OTX1: variants seen among roughly 807,000 people sequenced by gnomAD.
OTX1 encodes the protein homeobox protein OTX1.
In OTX1, 7 loss-of-function variants were observed where a neutral mutation model predicts 26.7. The observed-to-expected ratio is 0.26, with a 90% CI of 0.15 to 0.49. The LOEUF (loss-of-function observed/expected upper bound fraction) is 0.49, where lower values mean the gene tolerates loss of function less well. Among genes scored for constraint, OTX1 ranks in the 20% least tolerant of loss-of-function variants. OTX1 has a pLI of 0.98. For synonymous variants in OTX1, 216 were observed against 212.8 expected (o/e 1.01, Z -0.13); for missense variants, 414 against 483.8 (o/e 0.86, Z 1.35).
chr2:63,056,547 G>C lies in OTX1; in HGVS notation c.*231G>C. On this transcript the variant is annotated 3_prime_UTR_variant, in exon 5 of 5. Transcript: ENST00000282549. ...GATGGGGGGACCGGTGCTTCGGCTT[G>C]GCCTACACATTCTATACAGGAGAGA... 1 of 596,072 alleles carries C rather than the reference G, an allele frequency of 1.7e-6. No homozygotes were observed. The highest frequency in any genetic ancestry group is 2.0e-5 in the South Asian group (1 of 49,158). 36.9% of individuals were successfully genotyped at this position (596,072 alleles called of 1,614,324 possible).
chr2:63,053,298 A>C, intron 3 of OTX1: 1 of 443,502 alleles, frequency 2.3e-6, no homozygotes, highest in African/African-American at 2.0e-5. Flanking sequence ...AAAACGCGCA[A>C]TATGCGCCTT....
At chr2:63,054,309 T>TTA in intron 4 of OTX1, 111 bp downstream of exon 4, 1 of 1,120,974 alleles carries the variant, frequency 8.9e-7, no homozygotes, top group Admixed American at 3.3e-5. Flanking sequence ...GGGGGTGGGC[T>TTA]TACAGACTGG....
At chr2:63,052,782 C>G (rs2062034978) in intron 2 of OTX1, 98 bp from the exon 3 acceptor site, 1 of 546,070 alleles carries the variant, frequency 1.8e-6, no homozygotes, top group Admixed American at 3.6e-5. Context: ...GACCACCCTG[C>G]GCAGTTCTGT....
rs2062058479 is a variant in OTX1, at chr2:63,055,671, C to T, written c.420C>T (p.Ser140=). The change falls in exon 5 of 5, where the codon AGC becomes AGT. Residue 140 remains serine (S), a synonymous_variant. Transcript: ENST00000282549. The surrounding 1 kb of genome is among the most constrained non-coding windows in gnomAD (Gnocchi z 5.2). ...PAVSSSASSS[S]SASSSSANPA... Reference sequence around the variant, plus strand: ...TGTCCAGCTCTGCCTCGTCCTCTAGCTCGGCGTCCAGCTCTTCCGCCAACC... The same window carrying T: ...TGTCCAGCTCTGCCTCGTCCTCTAGTTCGGCGTCCAGCTCTTCCGCCAACC... The T allele has an allele frequency of 1.2e-6, 2 of 1,614,018 alleles. No individual in the cohort carries two copies. The highest frequency in any genetic ancestry group is 1.7e-6 in the Non-Finnish European group (2 of 1,180,002).
rs557893429 is a variant in OTX1, at chr2:63,055,182, T to G, written c.250-319T>G. ...ACACGGAAGCAGCCAACAGCAGCAA[T>G]TTAGAGATGGCAGAACTTCTGACTG... On this transcript the variant is annotated intron_variant, in intron 4 of 4. Coordinates refer to ENST00000282549, the MANE Select transcript of OTX1 (RefSeq NM_014562.4). This position sits in a 1 kb window ranked among gnomAD's most constrained non-coding sequence, Gnocchi z 5.2. Among the ~76,000 whole-genome samples the G allele has an allele frequency of 1.1e-3, 169 of 152,232 alleles. No homozygotes were observed. The highest frequency in any genetic ancestry group is 3.3e-3 in the African/African-American group (137 of 41,532).
upstream of OTX1, among the ~76,000 whole-genome samples, chr2:63,050,341 G>A (rs893846483): frequency 5.3e-5 from 8 of 152,194 alleles, no homozygotes; most frequent in Non-Finnish European, 1.0e-4. Context: ...GCGGCGCCGG[G>A]AGAGGGGCCG....
Position 63,052,903 on chromosome 2 carries a change from C to A in OTX1, c.-88C>A. The A allele has an allele frequency of 1.2e-6, 1 of 809,996 alleles. No individual in the cohort carries two copies. Among genetic ancestry groups the A allele is most frequent in the Non-Finnish European group, 2.0e-6 (1 of 489,122 alleles). The allele number at this position is 809,996 out of a possible 1,614,324, so 50.2% of individuals were successfully genotyped here. On this transcript the variant is annotated 5_prime_UTR_variant, in exon 3 of 5. Coordinates refer to ENST00000282549, the MANE Select transcript of OTX1 (RefSeq NM_014562.4). Reference sequence around the variant, plus strand: ...AGGCCAGGCCCCCAGACGCATCAGACCCTGAAGGACTGCGTGGTGGGAGCC... The same window carrying A: ...AGGCCAGGCCCCCAGACGCATCAGAACCTGAAGGACTGCGTGGTGGGAGCC...
chr2:63,055,535 A>T lies in OTX1; in HGVS notation c.284A>T (p.Gln95Leu). 1 of 1,613,720 alleles carries T rather than the reference A, an allele frequency of 6.2e-7. No homozygotes were observed. Among genetic ancestry groups the T allele is most frequent in the Non-Finnish European group, 8.5e-7 (1 of 1,179,724 alleles). The change falls in exon 5 of 5, where the codon CAG becomes CTG. Residue 95 changes from glutamine (Q) to leucine (L), a missense_variant. By Grantham distance (113) the Gln-to-Leu change is moderately radical. Around this residue, in one of 3 missense-constraint regions of OTX1, gnomAD observed 46 missense variants for 94.3 expected, o/e 0.49. Coordinates refer to ENST00000282549, the MANE Select transcript of OTX1 (RefSeq NM_014562.4). The surrounding 1 kb of genome is among the most constrained non-coding windows in gnomAD (Gnocchi z 5.2). ...WFKNRRAKCR[Q>L]QQQSGSGTKS... ...AAGAACCGCCGCGCCAAATGCCGCC[A>T]GCAGCAGCAGAGCGGGAGCGGAACC...
intron 2 of OTX1, chr2:63,051,964 AC>A (rs1250057812): frequency 6.6e-6 from 1 of 152,346 alleles, no homozygotes; most frequent in Non-Finnish European, 1.5e-5. Flanking sequence ...TCTGTTCTCG[AC>A]CGTGTCCTGG....
chr2:63,050,046 T>A (rs968957390), upstream of OTX1: 3 of 152,268 alleles, frequency 2.0e-5, no homozygotes, highest in Admixed American at 6.5e-5. Flanking sequence ...GGTGTACGTG[T>A]GAGGGGAAGA....
Position 63,055,922 on chromosome 2 carries a change from C to T in OTX1, c.671C>T (p.Ser224Phe). 1 of 1,612,842 alleles carries T rather than the reference C, an allele frequency of 6.2e-7. No homozygotes were observed. Among genetic ancestry groups the T allele is most frequent in the Non-Finnish European group, 8.5e-7 (1 of 1,180,032 alleles). Residue 224 changes from serine to phenylalanine, a missense_variant, in exon 5 of 5, where the codon TCC becomes TTC. Ser to Phe is a radical substitution (Grantham distance 155). Around this residue, in one of 3 missense-constraint regions of OTX1, gnomAD observed 320 missense variants for 347.9 expected, o/e 0.92. Coordinates refer to ENST00000282549, the MANE Select transcript of OTX1 (RefSeq NM_014562.4). This position sits in a 1 kb window ranked among gnomAD's most constrained non-coding sequence, Gnocchi z 5.2. ...AATAAASYPM[S>F]YGQGGSYGQG... ...ACCGCAGCAGCCTCTTATCCCATGTCCTACGGCCAGGGCGGCAGCTACGGC... is the reference window on the plus strand; with the variant it reads ...ACCGCAGCAGCCTCTTATCCCATGTTCTACGGCCAGGGCGGCAGCTACGGC...
rs1416608580 is a variant in OTX1, at chr2:63,055,763, C to T, written c.512C>T (p.Pro171Leu). The change falls in exon 5 of 5, where the codon CCA (proline) becomes CTA (leucine). Residue 171 changes from proline (P) to leucine (L), a missense_variant. Physicochemically the swap from Pro to Leu is moderately conservative, Grantham distance 98. This residue lies in a region of OTX1 where 320 missense variants were observed against 347.9 expected (regional missense o/e 0.92). Transcript: ENST00000282549. The surrounding 1 kb of genome is among the most constrained non-coding windows in gnomAD (Gnocchi z 5.2). ...GCGGCCGCGTCGTCGCTGAGTACAC[C>T]AGCTGCCTCATCTATCTGGAGCCCG... is the stretch of plus-strand genomic sequence containing the variant. Reference protein sequence around the residue: ...PVAAASSLSTPAASSIWSPAS... With the variant: ...PVAAASSLSTLAASSIWSPAS... 6.2e-7 allele frequency: 1 copy of T among 1,612,496 alleles called. No homozygotes were observed. Among genetic ancestry groups the T allele is most frequent in the South Asian group, 1.1e-5 (1 of 91,030 alleles).
chr2:63,053,079 G>T lies in OTX1; in HGVS notation c.89G>T (p.Gly30Val). ...PAMDLLHPSV[G>V]YPATPRKQRR... is the part of the protein sequence containing the mutation. ...ATGGACCTCCTGCACCCATCCGTGG[G>T]CTATCCGGGTGAGCACCAGCCCTCC... Residue 30 changes from glycine (G) to valine (V), a missense_variant, in exon 3 of 5, where the codon GGC (glycine) becomes GTC (valine). Around this residue, in one of 3 missense-constraint regions of OTX1, gnomAD observed 48 missense variants for 41.6 expected, o/e 1.15. Transcript: ENST00000282549. 2 of 1,581,182 alleles carry T rather than the reference G, an allele frequency of 1.3e-6. No homozygotes were observed.
At chr2:63,049,957 C>A (rs1223792744), upstream of OTX1, 1 of 152,294 alleles carries the variant, frequency 6.6e-6, no homozygotes, top group East Asian at 1.9e-4. The surrounding 1 kb of genome is among the most constrained non-coding windows in gnomAD (Gnocchi z 4.8). Flanking sequence ...CAAAAAGTCC[C>A]TGTTAGAGGC....
intron 4 of OTX1, 37 bp downstream of exon 4, chr2:63,054,235 A>G: frequency 6.5e-7 from 1 of 1,531,808 alleles, no homozygotes. Flanking sequence ...TGGGTAGGGG[A>G]GCTGAGGCTG....
upstream of OTX1, among the ~76,000 whole-genome samples, chr2:63,050,454 A>C (rs963972121): frequency 6.6e-6 from 1 of 151,852 alleles, no homozygotes; most frequent in Non-Finnish European, 1.5e-5. Context: ...GTTCTCCAGC[A>C]CCTCGCCTCC....
Position 63,052,931 on chromosome 2 carries a change from G to A in OTX1, c.-60G>A. ...TGAAGGACTGCGTGGTGGGAGCCCT[G>A]CACCGCTCCTGGCCCCGGGCCCCCT... On this transcript the variant is annotated 5_prime_UTR_variant, in exon 3 of 5. Coordinates refer to ENST00000282549, the MANE Select transcript of OTX1 (RefSeq NM_014562.4). The A allele has an allele frequency of 8.6e-7, 1 of 1,156,956 alleles. No homozygotes were observed. Among genetic ancestry groups the A allele is most frequent in the Non-Finnish European group, 1.3e-6 (1 of 779,954 alleles). The allele number at this position is 1,156,956 out of a possible 1,614,324, so 71.7% of individuals were successfully genotyped here.
chr2:63,054,165 G>T lies in OTX1; in HGVS notation c.216G>T (p.Ala72=). ...ACATCTTCATGCGGGAGGAGGTGGC[G>T]CTCAAGATCAACCTGCCGGAGTCTA... The part of the protein sequence containing the change: ...YPDIFMREEV[A]LKINLPESRV... Residue 72 remains alanine (A), a synonymous_variant, in exon 4 of 5, where the codon GCG becomes GCT. Coordinates refer to ENST00000282549, the MANE Select transcript of OTX1 (RefSeq NM_014562.4). 4 of 1,608,282 alleles carry T rather than the reference G, an allele frequency of 2.5e-6. No homozygotes were observed. The highest frequency in any genetic ancestry group is 3.4e-6 in the Non-Finnish European group (4 of 1,177,114).
At chr2:63,052,360 C>T (rs572145567) in intron 2 of OTX1, among the ~76,000 whole-genome samples, 6 of 152,386 alleles carry the variant, frequency 3.9e-5, no homozygotes, top group Admixed American at 2.6e-4. Context: ...GGGGCAGGGG[C>T]GCAGCCCTGG....
Sources: gnomAD v4.1 joint callset for allele counts (sites outside exome capture counted in the v4.1 genomes callset) on GRCh38, gnomAD v4.1.1 for gene constraint, gnomAD v4.1.1 regional missense constraint, Gnocchi (gnomAD v3.1) non-coding constraint, MANE v1.5 for transcripts, NCBI Gene and HGNC (gene_info 2026-07-23, HGNC 2026-07-21) for gene names.